The following CCDC40 variants were observed in gnomAD, a reference collection of about 807,000 sequenced individuals.
The protein encoded by CCDC40 is coiled-coil domain-containing protein 40.
Under a neutral mutation model 124.5 loss-of-function variants are expected in CCDC40, and 104 were observed. That is an observed-to-expected ratio of 0.84 (90% CI 0.71 to 0.98). The LOEUF is 0.98. Among genes scored for constraint, CCDC40 ranks in the 50% least tolerant of loss-of-function variants. CCDC40 has a pLI of 0.00. For synonymous variants in CCDC40, 580 were observed against 602.9 expected (o/e 0.96, Z 0.56); for missense variants, 1,463 against 1,503.9 (o/e 0.97, Z 0.45).
chr17:80,046,143 G>A (rs9892044), intron 3 of CCDC40, among the ~76,000 whole-genome samples: 52,059 of 151,902 alleles, frequency 0.34, 11,620 homozygotes, highest in African/African-American at 0.64. Flanking sequence ...AATTTAACAT[G>A]ATTGTTAAAG....
Position 80,096,069 on chromosome 17 carries a change from C to T in CCDC40, c.3021+618C>T, listed in dbSNP as rs149777071. On this transcript the variant is annotated intron_variant, in intron 18 of 19. Transcript: ENST00000397545. ...ACTTCCCAGGTTGGCCCCACAGCCCCGCTGACCCGCTGTGTGACCTCGGAG... is the reference window on the plus strand; with the variant it reads ...ACTTCCCAGGTTGGCCCCACAGCCCTGCTGACCCGCTGTGTGACCTCGGAG... 7.1e-3 allele frequency among the ~76,000 whole-genome samples: 1,088 copies of T among 152,360 alleles called. 15 individuals are homozygous for T. The highest frequency in any genetic ancestry group is 0.024 in the African/African-American group (993 of 41,584).
chr17:80,047,904 G>A (rs1246853468), intron 4 of CCDC40, among the ~76,000 whole-genome samples: 1 of 152,176 alleles, frequency 6.6e-6, no homozygotes, highest in Non-Finnish European at 1.5e-5. Flanking sequence ...CAAATTCCCT[G>A]TGGTACCGAC....
chr17:80,090,389 C>G lies in CCDC40; in HGVS notation c.2832+505C>G, dbSNP rs759084820. ...GTGCACGAACACAGGACACACACAG[C>G]ACGTGCATGAACAACACAGGACACA... On this transcript the variant is annotated intron_variant, in intron 17 of 19. Coordinates refer to ENST00000397545, the MANE Select transcript of CCDC40 (RefSeq NM_017950.4). 162 of 804,016 alleles carry G rather than the reference C, an allele frequency of 2.0e-4. 10 individuals are homozygous for G. Among genetic ancestry groups the G allele is most frequent in the East Asian group, 3.7e-4 (9 of 24,416 alleles). The allele number at this position is 804,016 out of a possible 1,614,324, so 49.8% of individuals were successfully genotyped here.
intron 7 of CCDC40, among the ~76,000 whole-genome samples, chr17:80,056,014 A>ATTTTTTTTTTTTTTT (rs1173801732): frequency 8.2e-4 from 11 of 13,444 alleles, no homozygotes; most frequent in Non-Finnish European, 1.2e-3. Context: ...ATATATATAT[A>ATTTTTTTTTTTTTTT]TATTTTTTTT....
At chr17:80,063,605 A>T (rs1024993238) in intron 9 of CCDC40, among the ~76,000 whole-genome samples, 25 of 152,140 alleles carry the variant, frequency 1.6e-4, no homozygotes, top group African/African-American at 5.8e-4. Context: ...CTTAGTGAAT[A>T]ACTTACCCCC....
At chr17:80,094,641 G>A (rs1054855015) in intron 17 of CCDC40, among the ~76,000 whole-genome samples, 2 of 152,182 alleles carry the variant, frequency 1.3e-5, no homozygotes, top group African/African-American at 2.4e-5. Context: ...GTTGCAGTGA[G>A]CCTAGATGGC....
In CCDC40 at chr17:80,036,709, G is replaced by T; in HGVS notation, c.29+18G>T. The T allele has an allele frequency of 6.8e-7, 1 of 1,464,988 alleles. No individual in the cohort carries two copies. The highest frequency in any genetic ancestry group is 9.0e-7 in the Non-Finnish European group (1 of 1,109,296). The allele number at this position is 1,464,988 out of a possible 1,614,324, so 90.7% of individuals were successfully genotyped here. On this transcript the variant is annotated intron_variant, in intron 1 of 19. Transcript: ENST00000397545. Reference sequence around the variant, plus strand: ...GCGGGCCGGTAAGCCGGGCCGAGGGGCAGCGGGTCTTGGAGTCGCCAGGCC... The same window carrying T: ...GCGGGCCGGTAAGCCGGGCCGAGGGTCAGCGGGTCTTGGAGTCGCCAGGCC...
chr17:80,090,263 G>C, intron 17 of CCDC40: 2 of 804,482 alleles, frequency 2.5e-6, no homozygotes, highest in Non-Finnish European at 3.6e-6. Flanking sequence ...CGGGACGCGC[G>C]CGGGCACGTG....
Position 80,099,755 on chromosome 17 carries a change from G to T in CCDC40, c.3409G>T (p.Glu1137Ter), listed in dbSNP as rs774630271. ...KVSQMIANKLESPGPS is the reference protein window; with the variant it reads ...KVSQMIANKL ...CAGCCAGATGATCGCCAACAAGCTC[G>T]AGTCACCAGGGCCCTCCTAGGGAGC... The change falls in exon 20 of 20, where the codon GAG (glutamate) becomes TAG (stop). Residue 1137 changes from glutamate (E) to a stop codon, truncating the protein, a stop_gained. Coordinates refer to ENST00000397545, the MANE Select transcript of CCDC40 (RefSeq NM_017950.4). LOFTEE classifies it high-confidence loss of function. 6.2e-7 allele frequency: 1 copy of T among 1,613,384 alleles called. No individual in the cohort carries two copies. Among genetic ancestry groups the T allele is most frequent in the Non-Finnish European group, 8.5e-7 (1 of 1,179,922 alleles).
chr17:80,074,338 G>A (rs555808548), intron 10 of CCDC40, among the ~76,000 whole-genome samples: 7 of 152,212 alleles, frequency 4.6e-5, no homozygotes, highest in East Asian at 1.9e-4. Context: ...GTGAAACCCC[G>A]TCTCTACTAA....
intron 10 of CCDC40, among the ~76,000 whole-genome samples, chr17:80,080,322 G>T (rs1367715306): frequency 6.6e-6 from 1 of 152,210 alleles, no homozygotes; most frequent in Non-Finnish European, 1.5e-5. Flanking sequence ...AGAATGACTT[G>T]AACCCAGGAG....
chr17:80,072,932 C>T (rs1019561167), intron 10 of CCDC40, among the ~76,000 whole-genome samples: 1 of 151,796 alleles, frequency 6.6e-6, no homozygotes, highest in Non-Finnish European at 1.5e-5. Context: ...CGGGTAAATA[C>T]AGGCGCATCT....
rs374909386 is a variant in CCDC40, at chr17:80,099,700, C to T, written c.3354C>T (p.Tyr1118=). The T allele has an allele frequency of 9.7e-5, 156 of 1,613,670 alleles. No individual in the cohort carries two copies. The highest frequency in any genetic ancestry group is 1.3e-4 in the Non-Finnish European group (150 of 1,180,008). ...ATILDRVRDE[Y]PQFQEALHKV... is the part of the protein sequence containing the mutation. ...TCCTGGACCGCGTGCGGGACGAGTA[C>T]CCCCAGTTCCAGGAGGCCCTGCACA... is the stretch of plus-strand genomic sequence containing the variant. The change falls in exon 20 of 20, where the codon TAC becomes TAT. Residue 1118 remains tyrosine (Y), a synonymous_variant. Transcript: ENST00000397545.
intron 7 of CCDC40, among the ~76,000 whole-genome samples, chr17:80,057,005 C>T (rs11868359): frequency 0.056 from 8,295 of 148,746 alleles, 735 homozygotes; most frequent in African/African-American, 0.19. Flanking sequence ...CACCACTGCA[C>T]TCCAGCCTGG....
At position 80,048,806 on chromosome 17, in the gene CCDC40, G is replaced by A. The variant is rs114589110; in HGVS notation, c.855+45G>A. The A allele has an allele frequency of 2.9e-3, 4,394 of 1,514,990 alleles. 106 individuals carry two copies. The African/African-American group carries it at 0.054, about 18-fold the overall frequency. The allele number at this position is 1,514,990 out of a possible 1,614,324, so 93.8% of individuals were successfully genotyped here. A position where few individuals can be genotyped will look rare whatever the true frequency, so the allele number is the denominator to read the frequency against. On this transcript the variant is annotated intron_variant, in intron 5 of 19. Coordinates refer to ENST00000397545, the MANE Select transcript of CCDC40 (RefSeq NM_017950.4). The stretch of plus-strand genomic sequence containing the variant: ...TTTTGCTTTTGCCTACATGGATGGC[G>A]AATGACTCAGGCCCCTTTCTCTGCC...
intron 7 of CCDC40, among the ~76,000 whole-genome samples, chr17:80,056,016 A>ATATATATTTT (rs71163913): frequency 9.8e-5 from 1 of 10,254 alleles, no homozygotes; most frequent in African/African-American, 3.5e-4. Flanking sequence ...ATATATATAT[A>ATATATATTTT]TTTTTTTTTT....
chr17:80,048,519 A>G (rs1366422299), intron 4 of CCDC40, 64 bp from the exon 5 acceptor site: 2 of 1,369,230 alleles, frequency 1.5e-6, no homozygotes, highest in Admixed American at 1.8e-5. Context: ...TTGATGCCCC[A>G]GAATAGAATC....
chr17:80,098,674 CA>C (rs2038854686), intron 19 of CCDC40, among the ~76,000 whole-genome samples: 1 of 152,166 alleles, frequency 6.6e-6, no homozygotes, highest in South Asian at 2.1e-4. Context: ...CACGGTGGCT[CA>C]TGCCTGTAAT....
Position 80,087,841 on chromosome 17 carries a change from G to T in CCDC40, c.2619+65G>T, listed in dbSNP as rs569589635. On this transcript the variant is annotated intron_variant, in intron 15 of 19. Transcript: ENST00000397545. This position sits in a 1 kb window ranked among gnomAD's most constrained non-coding sequence, Gnocchi z 4.5. ...GGAGGGCGGGGGTACGGTCCTTGCGGTGGGCGTTCTGCACCAGGATGTAAT... is the reference window on the plus strand; with the variant it reads ...GGAGGGCGGGGGTACGGTCCTTGCGTTGGGCGTTCTGCACCAGGATGTAAT... 2 of 1,478,064 alleles carry T rather than the reference G, an allele frequency of 1.4e-6. No homozygotes were observed. Among genetic ancestry groups the T allele is most frequent in the Admixed American group, 1.7e-5 (1 of 59,864 alleles). The allele number at this position is 1,478,064 out of a possible 1,614,324, so 91.6% of individuals were successfully genotyped here.
Sources: gnomAD v4.1 joint callset for allele counts (sites outside exome capture counted in the v4.1 genomes callset) on GRCh38, gnomAD v4.1.1 for gene constraint, Gnocchi (gnomAD v3.1) non-coding constraint, MANE v1.5 for transcripts, NCBI Gene and HGNC (gene_info 2026-07-23, HGNC 2026-07-21) for gene names.